Variants in VOPP1 observed in about 807,000 individuals in gnomAD.
VOPP1 encodes the protein WW domain binding protein VOPP1.
Under a neutral mutation model 23.5 loss-of-function variants are expected in VOPP1, and 8 were observed. The ratio of observed to expected loss-of-function variants is 0.34; its 90% CI spans 0.20 to 0.61. The LOEUF is 0.61. Among genes scored for constraint, VOPP1 ranks in the 20% least tolerant of loss-of-function variants. The probability of loss-of-function intolerance (pLI) is 0.78; values close to 1 mark genes in which losing one functional copy is unlikely to be tolerated. For missense variants in VOPP1, 174 were observed against 238.1 expected (o/e 0.73, Z 1.77); for synonymous variants, 83 against 97.3 (o/e 0.85, Z 0.86).
At chr7:55,467,432 C>T (rs980471356), downstream of VOPP1, among the ~76,000 whole-genome samples, 1 of 152,246 alleles carries the variant, frequency 6.6e-6, no homozygotes, top group African/African-American at 2.4e-5. Flanking sequence ...TACCTGCCGG[C>T]CTCAATGCGG....
chr7:55,540,690 C>A (rs1369018504), intron 1 of VOPP1, among the ~76,000 whole-genome samples: 4 of 152,230 alleles, frequency 2.6e-5, no homozygotes, highest in Non-Finnish European at 2.9e-5. Flanking sequence ...GCTGCCCTCA[C>A]AGAGCACTCA....
At chr7:55,482,753 T>C (rs879596867) in intron 4 of VOPP1, among the ~76,000 whole-genome samples, 6 of 152,110 alleles carry the variant, frequency 3.9e-5, no homozygotes, top group Non-Finnish European at 7.3e-5. Flanking sequence ...CATGTGAACA[T>C]TGCTTTAAGA....
intron 4 of VOPP1, among the ~76,000 whole-genome samples, chr7:55,454,538 C>T (rs992548280): frequency 4.6e-5 from 7 of 152,080 alleles, no homozygotes; most frequent in South Asian, 2.1e-4. Flanking sequence ...AACATCAATG[C>T]AAAAATTCTT....
chr7:55,525,158 C>G (rs1047545380), intron 1 of VOPP1, among the ~76,000 whole-genome samples: 1 of 152,086 alleles, frequency 6.6e-6, no homozygotes, highest in Admixed American at 6.6e-5. Context: ...CCAGCCACAC[C>G]GCCAGCCAGT....
intron 4 of VOPP1, among the ~76,000 whole-genome samples, chr7:55,440,635 G>C (rs931150930): frequency 6.6e-6 from 1 of 152,180 alleles, no homozygotes; most frequent in Admixed American, 6.5e-5. Flanking sequence ...CATTTGAGCG[G>C]CTGTCTCCTG....
chr7:55,523,303 C>G (rs1165227993), intron 1 of VOPP1, among the ~76,000 whole-genome samples: 1 of 151,962 alleles, frequency 6.6e-6, no homozygotes, highest in Non-Finnish European at 1.5e-5. Context: ...CTGCTTTACA[C>G]AAAAAGAATC....
intron 4 of VOPP1, among the ~76,000 whole-genome samples, chr7:55,485,635 G>A (rs915563668): frequency 2.6e-5 from 4 of 152,218 alleles, no homozygotes; most frequent in South Asian, 2.1e-4. Flanking sequence ...TCATAACCCC[G>A]GCTGTCCTGT....
At chr7:55,492,237 C>G (rs117942953) in intron 4 of VOPP1, 45 bp downstream of exon 4, 21,989 of 1,571,744 alleles carry the variant, frequency 0.014, 184 homozygotes, top group Middle Eastern at 0.023. Context: ...TGTTGGCAGA[C>G]GACACACACT....
chr7:55,482,832 G>C (rs893923025), intron 4 of VOPP1, among the ~76,000 whole-genome samples: 4 of 152,138 alleles, frequency 2.6e-5, no homozygotes, highest in African/African-American at 9.7e-5. Flanking sequence ...AGTAGAAAAT[G>C]AAACCCCCAC....
chr7:55,468,540 G>A (rs1289464813), downstream of VOPP1, among the ~76,000 whole-genome samples: 1 of 152,206 alleles, frequency 6.6e-6, no homozygotes, highest in East Asian at 1.9e-4. Flanking sequence ...CATGGTTACT[G>A]GTGGCAGACA....
chr7:55,555,831 G>A (rs1343898204), intron 1 of VOPP1, among the ~76,000 whole-genome samples: 1 of 152,192 alleles, frequency 6.6e-6, no homozygotes, highest in Non-Finnish European at 1.5e-5. Flanking sequence ...GGGGACTGCA[G>A]TATCATAGAG....
intron 4 of VOPP1, among the ~76,000 whole-genome samples, chr7:55,451,815 C>A (rs746544494): frequency 8.9e-4 from 136 of 152,096 alleles, no homozygotes; most frequent in Non-Finnish European, 1.2e-3. Context: ...AGCTTTATTG[C>A]TAAAAATGCT....
At chr7:55,462,414 G>T (rs921421995) in intron 4 of VOPP1, among the ~76,000 whole-genome samples, 8 of 152,160 alleles carry the variant, frequency 5.3e-5, no homozygotes, top group African/African-American at 1.9e-4. Flanking sequence ...GATGTAGGAA[G>T]TTTTCAGCTA....
intron 1 of VOPP1, among the ~76,000 whole-genome samples, chr7:55,528,772 A>G (rs915962290): frequency 1.3e-5 from 2 of 152,188 alleles, no homozygotes; most frequent in Admixed American, 6.5e-5. Context: ...AATAAAAATA[A>G]TAAAGTTTGT....
chr7:55,458,799 A>G (rs1791430783), intron 4 of VOPP1, among the ~76,000 whole-genome samples: 1 of 152,160 alleles, frequency 6.6e-6, no homozygotes, highest in African/African-American at 2.4e-5. Flanking sequence ...GGTTGTCTAT[A>G]TATAAGATCA....
At chr7:55,540,472 G>A (rs1454973257) in intron 1 of VOPP1, among the ~76,000 whole-genome samples, 1 of 152,132 alleles carries the variant, frequency 6.6e-6, no homozygotes, top group Non-Finnish European at 1.5e-5. Flanking sequence ...TTCCGTCCTT[G>A]TGTTTGATTG....
intron 4 of VOPP1, among the ~76,000 whole-genome samples, chr7:55,463,121 A>G (rs1791547414): frequency 6.6e-6 from 1 of 152,136 alleles, no homozygotes; most frequent in African/African-American, 2.4e-5. Context: ...ATTTGTTGAG[A>G]TTTATTTTGT....
chr7:55,442,138 A>G (rs59664600), intron 4 of VOPP1, among the ~76,000 whole-genome samples: 9,130 of 152,248 alleles, frequency 0.06, 803 homozygotes, highest in African/African-American at 0.19. Flanking sequence ...AAGCCTGTAC[A>G]TAGGCTTCTC....
intron 1 of VOPP1, among the ~76,000 whole-genome samples, chr7:55,562,209 A>G (rs1798013893): frequency 6.6e-6 from 1 of 152,210 alleles, no homozygotes; most frequent in African/African-American, 2.4e-5. Context: ...AAAGGACTCG[A>G]ATTCCAAACC....
Sources: gnomAD v4.1 joint callset for allele counts (sites outside exome capture counted in the v4.1 genomes callset) on GRCh38, gnomAD v4.1.1 for gene constraint, MANE v1.5 for transcripts, NCBI Gene and HGNC (gene_info 2026-07-23, HGNC 2026-07-21) for gene names.